The following UBE2W variants were observed in gnomAD, a reference collection of about 807,000 sequenced individuals.
The protein encoded by UBE2W is ubiquitin-conjugating enzyme E2 W.
UBE2W carries 18 observed loss-of-function variants against 27.2 expected under a neutral mutation model. The observed-to-expected ratio is 0.66, with a 90% CI of 0.46 to 0.98. The LOEUF (loss-of-function observed/expected upper bound fraction) is 0.98. Among genes scored for constraint, UBE2W ranks in the 50% least tolerant of loss-of-function variants. The pLI, the probability that UBE2W is intolerant of heterozygous loss-of-function variation, is 0.00. For missense variants in UBE2W, 90 were observed against 180.2 expected (o/e 0.50, Z 2.87); for synonymous variants, 53 against 57.2 (o/e 0.93, Z 0.33).
chr8:73,844,758 C>T (rs528268475), intron 1 of UBE2W, among the ~76,000 whole-genome samples: 5 of 151,822 alleles, frequency 3.3e-5, no homozygotes, highest in African/African-American at 4.8e-5. Flanking sequence ...TCTGCCCCGC[C>T]GCCCCATCTG....
At chr8:73,872,098 T>G (rs567280715) in intron 1 of UBE2W, among the ~76,000 whole-genome samples, 111 of 152,156 alleles carry the variant, frequency 7.3e-4, no homozygotes, top group African/African-American at 2.4e-3. Context: ...CCTTAAAAAC[T>G]CTCCTTGATA....
chr8:73,850,190 T>C (rs888147647), intron 1 of UBE2W, among the ~76,000 whole-genome samples: 1 of 152,194 alleles, frequency 6.6e-6, no homozygotes, highest in African/African-American at 2.4e-5. Flanking sequence ...CAATTATTCT[T>C]ATTAGCTAAG....
intron 2 of UBE2W, among the ~76,000 whole-genome samples, chr8:73,829,613 G>A (rs574224200): frequency 4.7e-5 from 7 of 150,316 alleles, no homozygotes; most frequent in East Asian, 1.9e-4. Flanking sequence ...ACATCCATTC[G>A]TAATATGCTT....
chr8:73,818,300 TTCCAAAACG>T (rs1389479490), intron 3 of UBE2W, among the ~76,000 whole-genome samples: 5 of 152,290 alleles, frequency 3.3e-5, no homozygotes, highest in Admixed American at 2.0e-4. Context: ...CATGACCACC[TTCCAAAACG>T]TCCACTGCTA....
chr8:73,783,866 A>T (rs1388794694), downstream of UBE2W, among the ~76,000 whole-genome samples: 2 of 152,062 alleles, frequency 1.3e-5, no homozygotes, highest in Non-Finnish European at 2.9e-5. Context: ...GGTTCAAGCA[A>T]TTCTCCCACT....
intron 1 of UBE2W, among the ~76,000 whole-genome samples, chr8:73,841,469 GAA>G (rs960401045): frequency 6.6e-6 from 1 of 152,048 alleles, no homozygotes; most frequent in African/African-American, 2.4e-5. Flanking sequence ...TCTGACAAAT[GAA>G]AAAGTGTCAA....
Position 73,791,654 on chromosome 8 carries a change from A to G in UBE2W, c.*2448T>C. 3.0e-6 allele frequency: 3 copies of G among 984,910 alleles called. No individual in the cohort carries two copies. The highest frequency in any genetic ancestry group is 3.6e-6 in the Non-Finnish European group (3 of 829,448). The allele number at this position is 984,910 out of a possible 1,614,324, so 61.0% of individuals were successfully genotyped here. On this transcript the variant is annotated 3_prime_UTR_variant, in exon 6 of 6. Transcript: ENST00000602593. ...TGACTTTTAATAATGTAACTAACATATAAATTAAATCTAAGTGCAAGGAGT... is the reference window on the plus strand; with the variant it reads ...TGACTTTTAATAATGTAACTAACATGTAAATTAAATCTAAGTGCAAGGAGT...
At chr8:73,824,984 T>A (rs1255511098) in intron 3 of UBE2W, among the ~76,000 whole-genome samples, 163 bp downstream of exon 3, 1 of 152,104 alleles carries the variant, frequency 6.6e-6, no homozygotes, top group Non-Finnish European at 1.5e-5. Flanking sequence ...CTAATCCCAA[T>A]AAAGTGTAAT....
chr8:73,814,895 G>A (rs1193502152), intron 3 of UBE2W, among the ~76,000 whole-genome samples: 1 of 152,178 alleles, frequency 6.6e-6, no homozygotes, highest in African/African-American at 2.4e-5. Context: ...GCAAGTGAGA[G>A]CTAAGAGAGA....
chr8:73,809,385 T>C (rs747436909), intron 4 of UBE2W, among the ~76,000 whole-genome samples: 3 of 152,098 alleles, frequency 2.0e-5, no homozygotes, highest in Non-Finnish European at 4.4e-5. Context: ...CCCTAACCTC[T>C]AGGGCAAAGC....
intron 1 of UBE2W, among the ~76,000 whole-genome samples, chr8:73,837,751 T>C (rs962440788): frequency 2.0e-5 from 3 of 152,190 alleles, no homozygotes; most frequent in African/African-American, 7.2e-5. Context: ...CCTGAGTAAA[T>C]TTAATAACTG....
intron 5 of UBE2W, chr8:73,796,762 C>T (rs1808439202): frequency 1.7e-6 from 1 of 596,602 alleles, no homozygotes; most frequent in South Asian, 7.4e-5. Flanking sequence ...CATCGCCATC[C>T]TTTTTCTAAA....
rs1174491401 is a variant in UBE2W at position 73,791,979 on chromosome 8, T to A, written c.*2123A>T. 1 of 985,152 alleles carries A rather than the reference T, an allele frequency of 1.0e-6. No homozygotes were observed. The highest frequency in any genetic ancestry group is 1.2e-6 in the Non-Finnish European group (1 of 829,784). The allele number at this position is 985,152 out of a possible 1,614,324, so 61.0% of individuals were successfully genotyped here. A position where few individuals can be genotyped will look rare whatever the true frequency, so the allele number is the denominator to read the frequency against. On this transcript the variant is annotated 3_prime_UTR_variant, in exon 6 of 6. Coordinates refer to ENST00000602593, the MANE Select transcript of UBE2W (RefSeq NM_018299.6). ...CTTTGACTCAGTATATTAATTCCTT[T>A]GGTGAATAAATGTCACCGGTCATTT...
intron 5 of UBE2W, among the ~76,000 whole-genome samples, chr8:73,800,675 A>AT (rs1190925397): frequency 6.6e-6 from 1 of 152,152 alleles, no homozygotes; most frequent in African/African-American, 2.4e-5. Flanking sequence ...TTGAAAGCCT[A>AT]TTTTTTTGGT....
chr8:73,844,884 T>G (rs1810711366), intron 1 of UBE2W, among the ~76,000 whole-genome samples: 1 of 150,870 alleles, frequency 6.6e-6, no homozygotes, highest in Non-Finnish European at 1.5e-5. Context: ...CCACCCCGTC[T>G]GAGAAGTGAG....
At chr8:73,870,126 G>A in intron 1 of UBE2W, 1 of 854,874 alleles carries the variant, frequency 1.2e-6, no homozygotes, top group Non-Finnish European at 1.9e-6. Context: ...CTTTAAAAGG[G>A]TAAGTTTTAT....
At chr8:73,809,075 AGGCCTT>A (rs1174418126) in intron 4 of UBE2W, among the ~76,000 whole-genome samples, 2 of 152,212 alleles carry the variant, frequency 1.3e-5, no homozygotes, top group African/African-American at 4.8e-5. Flanking sequence ...GGAACATAGA[AGGCCTT>A]GTACCCACAA....
intron 1 of UBE2W, among the ~76,000 whole-genome samples, chr8:73,840,157 C>T (rs1810480762): frequency 6.6e-6 from 1 of 151,940 alleles, no homozygotes; most frequent in Non-Finnish European, 1.5e-5. Flanking sequence ...CCAAGGTTCA[C>T]ACCATTCTCC....
rs1244483474 is a variant in UBE2W, at chr8:73,819,914, A to G, written c.210+5233T>C. Among the ~76,000 whole-genome samples the G allele has an allele frequency of 2.0e-5, 3 of 152,254 alleles. No homozygotes were observed. The East Asian group carries it at 5.8e-4, about 29-fold the overall frequency. On this transcript the variant is annotated intron_variant, in intron 3 of 5. Coordinates refer to ENST00000602593, the MANE Select transcript of UBE2W (RefSeq NM_018299.6). The stretch of plus-strand genomic sequence containing the variant: ...TTCATCTATTCTAGAAATATTTTCC[A>G]AATTCTACTCTTGTAACTAGTGATA...
Sources: gnomAD v4.1 joint callset for allele counts (sites outside exome capture counted in the v4.1 genomes callset) on GRCh38, gnomAD v4.1.1 for gene constraint, MANE v1.5 for transcripts, NCBI Gene and HGNC (gene_info 2026-07-23, HGNC 2026-07-21) for gene names.